The following RHCE variants were observed in gnomAD, a reference collection of about 807,000 sequenced individuals.
RHCE encodes the protein blood group Rh(CE) polypeptide.
A neutral mutation model predicts 43.8 loss-of-function variants in RHCE; 22 were observed. The observed-to-expected ratio is 0.50, with a 90% CI of 0.36 to 0.72. The LOEUF is 0.72. Among genes scored for constraint, RHCE ranks in the 30% least tolerant of loss-of-function variants. The pLI is 0.00. For synonymous variants in RHCE, 156 were observed against 210.7 expected, an observed-to-expected ratio of 0.74 and a Z score of 2.25; for missense variants, 385 against 525.4, an observed-to-expected ratio of 0.73 and a Z score of 2.61.
chr1:25,368,072 A>C (rs1436979113), intron 9 of RHCE, among the ~76,000 whole-genome samples: 1 of 151,038 alleles, frequency 6.6e-6, no homozygotes, highest in Non-Finnish European at 1.5e-5. Flanking sequence ...GAGGAATTTC[A>C]AAGGAGCAGG....
intron 2 of RHCE, among the ~76,000 whole-genome samples, chr1:25,405,480 C>T (rs962516178): frequency 6.6e-6 from 1 of 152,124 alleles, no homozygotes. Flanking sequence ...TGGTGAAACC[C>T]CGTCTCTACT....
intron 3 of RHCE, among the ~76,000 whole-genome samples, chr1:25,395,417 C>T (rs1480387868): frequency 6.6e-6 from 1 of 152,170 alleles, no homozygotes; most frequent in Non-Finnish European, 1.5e-5. Flanking sequence ...GAATCAGAGC[C>T]AAAAGATGGA....
intron 5 of RHCE, among the ~76,000 whole-genome samples, 173 bp from the exon 6 acceptor site, chr1:25,389,286 C>T (rs592167): frequency 0.038 from 5,721 of 150,370 alleles, 359 homozygotes; most frequent in African/African-American, 0.13. Context: ...TCAGTGGACA[C>T]GGTGGGCCAG....
upstream of RHCE, among the ~76,000 whole-genome samples, chr1:25,421,273 T>C (rs1235916535): frequency 6.6e-6 from 1 of 152,096 alleles, no homozygotes; most frequent in Non-Finnish European, 1.5e-5. Flanking sequence ...ATGTATTGAA[T>C]GAGAATGAAT....
intron 7 of RHCE, among the ~76,000 whole-genome samples, chr1:25,381,519 C>T (rs1230523641): frequency 3.3e-5 from 5 of 149,966 alleles, no homozygotes; most frequent in South Asian, 2.1e-4. Context: ...TGCAATAGCA[C>T]GATCTCAGCT....
chr1:25,404,209 G>A (rs1376895652), intron 2 of RHCE, among the ~76,000 whole-genome samples: 1 of 144,440 alleles, frequency 6.9e-6, no homozygotes, highest in East Asian at 2.0e-4. Flanking sequence ...CTGTAAAATC[G>A]TGCTAGCTCA....
At chr1:25,397,496 T>TCAAAAAAAAAAAA (rs1646587242) in intron 3 of RHCE, among the ~76,000 whole-genome samples, 2 of 136,304 alleles carry the variant, frequency 1.5e-5, no homozygotes, top group Admixed American at 7.6e-5. Flanking sequence ...AAACTCCATC[T>TCAAAAAAAAAAAA]GAAAAAAAAA....
Position 25,395,843 on chromosome 1 carries a change from T to C in RHCE, c.487-3702A>G, listed in dbSNP as rs28659954. ...AAACCACCATTGGCAATTATTATAG[T>C]ACTAATTTATTCAGGGAAGAATCAA... On this transcript the variant is annotated intron_variant, in intron 3 of 9. Transcript: ENST00000294413. Among the ~76,000 whole-genome samples the C allele has an allele frequency of 5.0e-3, 768 of 152,114 alleles. 5 individuals are homozygous for C. The highest frequency in any genetic ancestry group is 9.2e-3 in the Non-Finnish European group (624 of 67,984).
At chr1:25,392,273 G>A (rs1646396284) in intron 3 of RHCE, 132 bp from the exon 4 acceptor site, 2 of 1,475,306 alleles carry the variant, frequency 1.4e-6, no homozygotes, top group African/African-American at 2.8e-5. Flanking sequence ...GGTGTTCAGA[G>A]CTTACCCAGC....
chr1:25,386,850 C>A (rs1247291621), intron 6 of RHCE, among the ~76,000 whole-genome samples: 5 of 146,208 alleles, frequency 3.4e-5, no homozygotes, highest in African/African-American at 1.3e-4. Context: ...AAAACACACA[C>A]ACACACACAC....
intron 2 of RHCE, 40 bp from the exon 3 acceptor site, chr1:25,402,786 G>C (rs1158125439): frequency 1.9e-6 from 3 of 1,610,500 alleles, no homozygotes; most frequent in Non-Finnish European, 1.7e-6. Flanking sequence ...TGAGAAGGAA[G>C]GATGCCTCTC....
chr1:25,379,763 C>T (rs141779824), intron 7 of RHCE, among the ~76,000 whole-genome samples: 1,546 of 152,096 alleles, frequency 0.01, 29 homozygotes, highest in African/African-American at 0.035. Context: ...CAGCCTCAAA[C>T]TCCTGGGCTC....
chr1:25,423,489 C>A (rs2042782929), upstream of RHCE, among the ~76,000 whole-genome samples: 1 of 152,234 alleles, frequency 6.6e-6, no homozygotes, highest in African/African-American at 2.4e-5. Flanking sequence ...GCGTCCTGAT[C>A]CTGCCCCAGT....
At chr1:25,390,602 C>G in intron 5 of RHCE, 147 bp downstream of exon 5, 1 of 1,000,324 alleles carries the variant, frequency 1.0e-6, no homozygotes, top group Non-Finnish European at 1.5e-6. Flanking sequence ...AGCATTCTTC[C>G]TAGAGCTCCA....
In RHCE at chr1:25,385,008, C is replaced by A. The variant is rs533201710; in HGVS notation, c.1073+703G>T. Reference sequence around the variant, plus strand: ...CTAAAAATCTATCCCTATATCGTGCCCAATTCACTTTTTCATTTTATATAA... The same window carrying A: ...CTAAAAATCTATCCCTATATCGTGCACAATTCACTTTTTCATTTTATATAA... On this transcript the variant is annotated intron_variant, in intron 7 of 9. Transcript: ENST00000294413. 1.9e-4 allele frequency among the ~76,000 whole-genome samples: 29 copies of A among 152,296 alleles called. No individual in the cohort carries two copies. The South Asian group carries it at 6.0e-3, about 32-fold the overall frequency.
In RHCE at chr1:25,392,090, C is replaced by G; in HGVS notation, c.538G>C (p.Gly180Arg). 6.2e-7 allele frequency: 1 copy of G among 1,614,144 alleles called. No homozygotes were observed. ...RHFYVFAAYF[G>R]LTVAWCLPKP... ...GGCAGGCACCAGGCCACAGTCAGCC[C>G]AAAATAGGCTGCGAACACGTAGAAG... The change falls in exon 4 of 10, where the codon GGG (glycine) becomes CGG (arginine). Residue 180 changes from glycine (G) to arginine (R), a missense_variant. This residue lies in a region of RHCE where 110 missense variants were observed against 103.4 expected (regional missense o/e 1.06). Coordinates refer to ENST00000294413, the MANE Select transcript of RHCE (RefSeq NM_020485.8).
At chr1:25,425,191 G>T (rs867150320), upstream of RHCE, among the ~76,000 whole-genome samples, 5 of 152,312 alleles carry the variant, frequency 3.3e-5, no homozygotes, top group Admixed American at 6.5e-5. Context: ...GACTGCTGTG[G>T]TTGCTGTTGT....
intron 3 of RHCE, chr1:25,399,123 A>G: frequency 8.0e-7 from 1 of 1,257,284 alleles, no homozygotes; most frequent in Non-Finnish European, 1.2e-6. Context: ...TTCAGCTTTA[A>G]CCTTTGCTGG....
At chr1:25,402,818 T>C in intron 2 of RHCE, 72 bp from the exon 3 acceptor site, 1 of 1,593,930 alleles carries the variant, frequency 6.3e-7, no homozygotes, top group South Asian at 1.1e-5. Flanking sequence ...CATTCATTCA[T>C]TCATTCAACA....
Sources: allele counts gnomAD v4.1 joint callset (sites outside exome capture counted in the v4.1 genomes callset), GRCh38; gene constraint gnomAD v4.1.1; regional missense constraint gnomAD v4.1.1; transcripts MANE v1.5; gene names NCBI Gene and HGNC (gene_info 2026-07-23, HGNC 2026-07-21).